LCA5: variants seen among roughly 807,000 people sequenced by gnomAD.
LCA5 encodes the protein lebercilin LCA5, also known as lebercilin.
LCA5 carries 37 observed loss-of-function variants against 53.0 expected under a neutral mutation model. The ratio of observed to expected loss-of-function variants is 0.70; its 90% CI spans 0.54 to 0.92. The LOEUF is 0.92. Ranked by LOEUF, LCA5 falls within the 40% of genes least tolerant of loss-of-function variation. The probability of loss-of-function intolerance (pLI) is 0.00; values close to 1 mark genes in which losing one functional copy is unlikely to be tolerated. For synonymous variants in LCA5, 303 were observed against 282.9 expected (o/e 1.07, Z -0.71); for missense variants, 806 against 790.5 (o/e 1.02, Z -0.23).
At chr6:79,523,163 T>C (rs2127685408) in intron 1 of LCA5, among the ~76,000 whole-genome samples, 1 of 152,312 alleles carries the variant, frequency 6.6e-6, no homozygotes, top group East Asian at 1.9e-4. Context: ...AAACACAACT[T>C]TGATTTTACT....
At chr6:79,498,910 T>A (rs912760869) in intron 3 of LCA5, among the ~76,000 whole-genome samples, 1 of 152,114 alleles carries the variant, frequency 6.6e-6, no homozygotes, top group Non-Finnish European at 1.5e-5. Context: ...GATTTTTTTA[T>A]AATCTTGATG....
chr6:79,516,505 A>C (rs1766440573), intron 2 of LCA5, among the ~76,000 whole-genome samples: 1 of 152,006 alleles, frequency 6.6e-6, no homozygotes, highest in Non-Finnish European at 1.5e-5. Flanking sequence ...ATTTTTAGTC[A>C]GATAAAAAAG....
At chr6:79,507,752 T>C (rs1317321398) in intron 3 of LCA5, among the ~76,000 whole-genome samples, 5 of 152,092 alleles carry the variant, frequency 3.3e-5, no homozygotes, top group African/African-American at 1.2e-4. Context: ...GTCCAGACTC[T>C]TTGTTTTGGG....
In LCA5 at chr6:79,513,656, T is replaced by C. The variant is rs774355828; in HGVS notation, c.276A>G (p.Pro92=). ...GFRSQSLNRE[P]LRKDTDLVTK... ...TAACAAGATCAGTATCTTTCCGAAGTGGCTCTCTATTGAGGCTCTGGGAGC... is the reference window on the plus strand; with the variant it reads ...TAACAAGATCAGTATCTTTCCGAAGCGGCTCTCTATTGAGGCTCTGGGAGC... Residue 92 remains proline, a synonymous_variant, in exon 3 of 8, where the codon CCA becomes CCG. Coordinates refer to ENST00000369846, the MANE Select transcript of LCA5 (RefSeq NM_001122769.3). The C allele has an allele frequency of 6.2e-7, 1 of 1,613,870 alleles. No homozygotes were observed. Among genetic ancestry groups the C allele is most frequent in the Non-Finnish European group, 8.5e-7 (1 of 1,179,818 alleles).
intron 1 of LCA5, among the ~76,000 whole-genome samples, chr6:79,521,886 A>G (rs1160316333): frequency 6.6e-6 from 1 of 152,200 alleles, no homozygotes; most frequent in African/African-American, 2.4e-5. Flanking sequence ...GATACTACTG[A>G]TGGAGTGTCA....
intron 3 of LCA5, among the ~76,000 whole-genome samples, chr6:79,499,965 C>T (rs529489785): frequency 8.7e-5 from 13 of 150,270 alleles, no homozygotes; most frequent in South Asian, 2.1e-4. Flanking sequence ...TTTGTTCTTG[C>T]GATAGTTTAC....
At chr6:79,531,872 A>G (rs552582951) in intron 1 of LCA5, among the ~76,000 whole-genome samples, 2 of 152,224 alleles carry the variant, frequency 1.3e-5, no homozygotes, top group Admixed American at 1.3e-4. Context: ...GTTGGAATAC[A>G]CAGGGCAGCA....
intron 2 of LCA5, among the ~76,000 whole-genome samples, chr6:79,517,443 A>G (rs1189868895): frequency 2.0e-5 from 3 of 152,120 alleles, no homozygotes; most frequent in Non-Finnish European, 4.4e-5. Flanking sequence ...GGCATTTTCT[A>G]AGGTTCAACC....
intron 1 of LCA5, among the ~76,000 whole-genome samples, chr6:79,527,302 A>C (rs1406993408): frequency 6.6e-6 from 1 of 152,182 alleles, no homozygotes; most frequent in Non-Finnish European, 1.5e-5. Context: ...AAAAGAAAAC[A>C]TAGGCTGGCC....
At chr6:79,521,426 A>T (rs1025285548) in intron 1 of LCA5, among the ~76,000 whole-genome samples, 12 of 152,302 alleles carry the variant, frequency 7.9e-5, no homozygotes, top group Admixed American at 5.2e-4. Flanking sequence ...ACCAAAAAAA[A>T]TTTTTAAAGC....
intron 3 of LCA5, among the ~76,000 whole-genome samples, chr6:79,495,911 G>A (rs1769971631): frequency 1.3e-5 from 2 of 152,014 alleles, no homozygotes; most frequent in African/African-American, 4.8e-5. Context: ...GACCCACTCA[G>A]TTCAAACCCA....
Position 79,486,187 on chromosome 6 carries a change from G to A in LCA5, c.*817C>T, listed in dbSNP as rs911843983. On this transcript the variant is annotated 3_prime_UTR_variant, in exon 8 of 8. Coordinates refer to ENST00000369846, the MANE Select transcript of LCA5 (RefSeq NM_001122769.3). ...TAAAGTTTTTCTATTCTTTGCAGTTGGTATGTATTTCCACTATTCCTTGCA... is the reference window on the plus strand; with the variant it reads ...TAAAGTTTTTCTATTCTTTGCAGTTAGTATGTATTTCCACTATTCCTTGCA... 6.6e-6 allele frequency: 1 copy of A among 152,000 alleles called. No homozygotes were observed. The highest frequency in any genetic ancestry group is 2.4e-5 in the African/African-American group (1 of 41,376). The allele number at this position is 152,000 out of a possible 1,614,324, so 9.4% of individuals were successfully genotyped here.
chr6:79,487,325 A>G lies in LCA5; in HGVS notation c.1773T>C (p.Gly591=). The G allele has an allele frequency of 6.2e-7, 1 of 1,613,962 alleles. No individual in the cohort carries two copies. Among genetic ancestry groups the G allele is most frequent in the Non-Finnish European group, 8.5e-7 (1 of 1,179,870 alleles). Residue 591 remains glycine (G), a synonymous_variant, in exon 8 of 8, where the codon GGT becomes GGC. Transcript: ENST00000369846. The part of the protein sequence containing the change: ...RNSMEKLSKD[G]VDLITRKEKK... ...TCTCTTTTCTTGTAATTAAATCTAC[A>G]CCATCTTTACTAAGTTTTTCCATAC...
At chr6:79,511,890 T>C (rs1341581495) in intron 3 of LCA5, among the ~76,000 whole-genome samples, 2 of 152,092 alleles carry the variant, frequency 1.3e-5, no homozygotes, top group Non-Finnish European at 2.9e-5. Context: ...ACAGGCTTCG[T>C]CCCACTTCTT....
chr6:79,496,698 C>G (rs546533380), intron 3 of LCA5, among the ~76,000 whole-genome samples: 2 of 151,926 alleles, frequency 1.3e-5, no homozygotes, highest in East Asian at 1.9e-4. Context: ...GGGAGGAGTA[C>G]AAAAAGGCAT....
intron 2 of LCA5, among the ~76,000 whole-genome samples, chr6:79,517,632 G>A (rs1014012874): frequency 6.6e-6 from 1 of 152,094 alleles, no homozygotes; most frequent in African/African-American, 2.4e-5. Flanking sequence ...GTTCCCAATT[G>A]TTATAAATGG....
At chr6:79,509,927 C>A (rs1432406306) in intron 3 of LCA5, among the ~76,000 whole-genome samples, 1 of 152,162 alleles carries the variant, frequency 6.6e-6, no homozygotes. Context: ...CAATTCTCCA[C>A]AAACTGATCT....
chr6:79,506,874 A>C (rs572005481), intron 3 of LCA5, among the ~76,000 whole-genome samples: 1 of 152,256 alleles, frequency 6.6e-6, no homozygotes, highest in East Asian at 1.9e-4. Context: ...TCAATGAACC[A>C]GTATTTTCCA....
At chr6:79,538,068 A>T (rs1767213175), upstream of LCA5, among the ~76,000 whole-genome samples, 1 of 92,514 alleles carries the variant, frequency 1.1e-5, no homozygotes. Flanking sequence ...GAACGTTTTG[A>T]GGAGCATGTC....
Sources: gnomAD v4.1 joint callset for allele counts (sites outside exome capture counted in the v4.1 genomes callset) on GRCh38, gnomAD v4.1.1 for gene constraint, MANE v1.5 for transcripts, NCBI Gene and HGNC (gene_info 2026-07-23, HGNC 2026-07-21) for gene names.